CUX2: variants seen among roughly 807,000 people sequenced by gnomAD.
The protein encoded by CUX2 is homeobox protein cut-like 2.
A neutral mutation model predicts 144.8 loss-of-function variants in CUX2; 40 were observed. The ratio of observed to expected loss-of-function variants is 0.28; its 90% CI spans 0.21 to 0.36. The LOEUF is 0.36. CUX2 is among the 10% of genes least tolerant of loss of function. The pLI, the probability that CUX2 is intolerant of heterozygous loss-of-function variation, is 1.00. For missense variants in CUX2, 1,615 were observed against 1,994.0 expected (o/e 0.81, Z 3.62); for synonymous variants, 827 against 875.6 (o/e 0.94, Z 0.98).
At chr12:111,182,107 G>A (rs1422825951) in intron 1 of CUX2, among the ~76,000 whole-genome samples, 1 of 152,064 alleles carries the variant, frequency 6.6e-6, no homozygotes, top group Non-Finnish European at 1.5e-5. Context: ...TTCAGGGCAG[G>A]GTCGGGGGAT....
chr12:111,179,520 T>C (rs1278643861), intron 1 of CUX2, among the ~76,000 whole-genome samples: 1 of 152,088 alleles, frequency 6.6e-6, no homozygotes, highest in Non-Finnish European at 1.5e-5. Flanking sequence ...TTCATGGTGG[T>C]GTTGAGAGGA....
intron 1 of CUX2, among the ~76,000 whole-genome samples, chr12:111,050,526 G>T (rs999303722): frequency 6.6e-6 from 1 of 152,050 alleles, no homozygotes; most frequent in African/African-American, 2.4e-5. Context: ...TCCATTGTAG[G>T]GTCTTCATCT....
At chr12:111,241,799 C>T (rs1191196641) in intron 3 of CUX2, among the ~76,000 whole-genome samples, 2 of 152,268 alleles carry the variant, frequency 1.3e-5, no homozygotes, top group African/African-American at 4.8e-5. Context: ...TTCCTGGGAC[C>T]ACCCCTGACA....
chr12:111,197,684 C>G (rs976661592), intron 1 of CUX2, among the ~76,000 whole-genome samples: 1 of 152,192 alleles, frequency 6.6e-6, no homozygotes, highest in African/African-American at 2.4e-5. Context: ...ATGGCTTCAT[C>G]CAGCTGGAGC....
chr12:111,188,870 G>A (rs1879711526), intron 1 of CUX2, among the ~76,000 whole-genome samples: 1 of 152,188 alleles, frequency 6.6e-6, no homozygotes, highest in African/African-American at 2.4e-5. Context: ...CACCAGTCCA[G>A]GTGAGAGAGG....
chr12:111,316,758 C>A (rs1435951398), intron 16 of CUX2, among the ~76,000 whole-genome samples: 1 of 151,992 alleles, frequency 6.6e-6, no homozygotes, highest in Admixed American at 6.6e-5. Context: ...CCAAAATTAA[C>A]CATTTTAAAG....
intron 1 of CUX2, among the ~76,000 whole-genome samples, chr12:111,100,730 A>G (rs1032375813): frequency 3.3e-5 from 5 of 152,204 alleles, no homozygotes; most frequent in African/African-American, 1.2e-4. Flanking sequence ...GAGCGTGTGG[A>G]CTGAGCACAC....
intron 17 of CUX2, among the ~76,000 whole-genome samples, chr12:111,321,439 A>C (rs1370780561): frequency 6.6e-6 from 1 of 152,044 alleles, no homozygotes; most frequent in Admixed American, 6.6e-5. Flanking sequence ...ACTGTGCTCC[A>C]GCCTGGGTGA....
rs1471639020 is a variant in CUX2, at chr12:111,068,459, G to A, written c.63+34219G>A. ...TGCGGTGAAGTGTCAGGCGTCACCCGGGGTGACTGTGGAGACGCCTGCAAC... is the reference window on the plus strand; with the variant it reads ...TGCGGTGAAGTGTCAGGCGTCACCCAGGGTGACTGTGGAGACGCCTGCAAC... On this transcript the variant is annotated intron_variant, in intron 1 of 21. Coordinates refer to ENST00000261726, the MANE Select transcript of CUX2 (RefSeq NM_015267.4). The surrounding 1 kb of genome is among the most constrained non-coding windows in gnomAD (Gnocchi z 4.9). 6.6e-6 allele frequency among the ~76,000 whole-genome samples: 1 copy of A among 152,178 alleles called. No individual in the cohort carries two copies. The highest frequency in any genetic ancestry group is 1.5e-5 in the Non-Finnish European group (1 of 68,034).
At chr12:111,347,494 G>A (rs981405365) in intron 21 of CUX2, 30 bp from the exon 22 acceptor site, 1 of 1,558,122 alleles carries the variant, frequency 6.4e-7, no homozygotes, top group Non-Finnish European at 8.6e-7. Flanking sequence ...CCCCTGTCCA[G>A]CCCCAGGCTC....
At position 111,289,816 on chromosome 12, in the gene CUX2, G is replaced by C. The variant is rs1276283084; in HGVS notation, c.302-1602G>C. Among the ~76,000 whole-genome samples, 2 of 152,084 alleles carry C rather than the reference G, an allele frequency of 1.3e-5. No individual in the cohort carries two copies. The highest frequency in any genetic ancestry group is 2.9e-5 in the Non-Finnish European group (2 of 68,026). ...GAGAAGCACACCAAGGATTACATGGGAGAGGATATTGGTGCAAAATAGGAA... is the reference window on the plus strand; with the variant it reads ...GAGAAGCACACCAAGGATTACATGGCAGAGGATATTGGTGCAAAATAGGAA... On this transcript the variant is annotated intron_variant, in intron 4 of 21. Transcript: ENST00000261726. The surrounding 1 kb of genome is among the most constrained non-coding windows in gnomAD (Gnocchi z 4.1).
chr12:111,077,673 A>G lies in CUX2; in HGVS notation c.63+43433A>G, dbSNP rs1871614663. ...TCACTCAATAAGCGTTGCATTGTGG[A>G]GACAGGATGGAGGCCAGCTTTATTT... On this transcript the variant is annotated intron_variant, in intron 1 of 21. Transcript: ENST00000261726. The surrounding 1 kb of genome is among the most constrained non-coding windows in gnomAD (Gnocchi z 4.1). 6.6e-6 allele frequency among the ~76,000 whole-genome samples: 1 copy of G among 152,188 alleles called. No individual in the cohort carries two copies. The highest frequency in any genetic ancestry group is 6.5e-5 in the Admixed American group (1 of 15,282).
At chr12:111,087,968 G>T (rs1872334566) in intron 1 of CUX2, among the ~76,000 whole-genome samples, 2 of 152,206 alleles carry the variant, frequency 1.3e-5, no homozygotes, top group African/African-American at 4.8e-5. Flanking sequence ...ACTCAGTAAT[G>T]AAAAGGAACG....
chr12:111,183,526 G>A (rs992177172), intron 1 of CUX2, among the ~76,000 whole-genome samples: 2 of 152,250 alleles, frequency 1.3e-5, no homozygotes, highest in African/African-American at 4.8e-5. Context: ...GAGCCAGATT[G>A]CTTCGAGCCA....
At chr12:111,074,084 C>T (rs551338442) in intron 1 of CUX2, among the ~76,000 whole-genome samples, 2 of 145,074 alleles carry the variant, frequency 1.4e-5, no homozygotes, top group East Asian at 3.9e-4. Flanking sequence ...TGAAATGTGT[C>T]ATTGTTTATC....
intron 16 of CUX2, among the ~76,000 whole-genome samples, chr12:111,319,467 T>A (rs955833456): frequency 4.6e-5 from 7 of 151,966 alleles, no homozygotes; most frequent in Non-Finnish European, 2.9e-5. Flanking sequence ...GGCCGGGCAC[T>A]GTGGTTCATG....
At chr12:111,187,372 CG>C (rs1420114883) in intron 1 of CUX2, among the ~76,000 whole-genome samples, 1 of 152,170 alleles carries the variant, frequency 6.6e-6, no homozygotes, top group Non-Finnish European at 1.5e-5. Flanking sequence ...AGTCCCCGCT[CG>C]TTTAGGTCTT....
At chr12:111,168,511 C>T (rs772620984) in intron 1 of CUX2, among the ~76,000 whole-genome samples, 8 of 152,212 alleles carry the variant, frequency 5.3e-5, no homozygotes, top group South Asian at 2.1e-4. Context: ...AGAACCTCGT[C>T]CCGTCGGTCA....
chr12:111,320,796 C>A lies in CUX2; in HGVS notation c.2766+21C>A. 1 of 1,482,546 alleles carries A rather than the reference C, an allele frequency of 6.7e-7. No homozygotes were observed. The allele number at this position is 1,482,546 out of a possible 1,614,324, so 91.8% of individuals were successfully genotyped here. ...AGAAGGTGAGTGCAGGGCGGGCCCC[C>A]GGTGTCTGGGCTCTGGGAGAAGATG... On this transcript the variant is annotated intron_variant, in intron 17 of 21. Coordinates refer to ENST00000261726, the MANE Select transcript of CUX2 (RefSeq NM_015267.4). The surrounding 1 kb of genome is among the most constrained non-coding windows in gnomAD (Gnocchi z 8.1).
Sources: gnomAD v4.1 joint callset for allele counts (sites outside exome capture counted in the v4.1 genomes callset) on GRCh38, gnomAD v4.1.1 for gene constraint, Gnocchi (gnomAD v3.1) non-coding constraint, MANE v1.5 for transcripts, NCBI Gene and HGNC (gene_info 2026-07-23, HGNC 2026-07-21) for gene names.